The following RNLS variants were observed in gnomAD, a reference collection of about 807,000 sequenced individuals.
RNLS encodes the protein renalase, FAD dependent amine oxidase, also known as renalase.
A neutral mutation model predicts 39.8 loss-of-function variants in RNLS; 39 were observed. The observed-to-expected ratio is 0.98, with a 90% CI of 0.76 to 1.28. The LOEUF is 1.28. RNLS is among the 50% of genes most tolerant of loss of function. The pLI is 0.00. For missense variants in RNLS, 410 were observed against 413.3 expected (o/e 0.99, Z 0.07); for synonymous variants, 147 against 150.7 (o/e 0.98, Z 0.18).
chr10:88,210,319 C>A, the RNLS span, among the ~76,000 whole-genome samples: 7,711 of 152,218 alleles, frequency 0.051, 279 homozygotes, highest in South Asian at 0.13. Flanking sequence ...CAAATTATGA[C>A]CCTCAGGCTC....
chr10:88,217,979 G>A, the RNLS span, among the ~76,000 whole-genome samples: 1 of 152,172 alleles, frequency 6.6e-6, no homozygotes, highest in Non-Finnish European at 1.5e-5. Flanking sequence ...GGCAGAGGTT[G>A]CAGTGAGCCG....
At chr10:88,240,821 C>T in the RNLS span, among the ~76,000 whole-genome samples, 1 of 152,054 alleles carries the variant, frequency 6.6e-6, no homozygotes, top group Non-Finnish European at 1.5e-5. Context: ...TCTCCATTTT[C>T]ATACAAAGCT....
At chr10:88,189,692 G>C in the RNLS span, among the ~76,000 whole-genome samples, 3 of 152,224 alleles carry the variant, frequency 2.0e-5, no homozygotes, top group Non-Finnish European at 4.4e-5. Context: ...CTGAATGACA[G>C]TTTCAGAGTG....
At chr10:88,338,758 C>CTTTTTTTTTTTTTTTTTTTTTTTT in intron 5 of RNLS, among the ~76,000 whole-genome samples, 1 of 112,496 alleles carries the variant, frequency 8.9e-6, no homozygotes, top group Non-Finnish European at 1.8e-5. Flanking sequence ...GCTAGATTTC[C>CTTTTTTTTTTTTTTTTTTTTTTTT]TTTTTTTTTT....
chr10:88,219,487 C>A, the RNLS span, among the ~76,000 whole-genome samples: 1 of 152,218 alleles, frequency 6.6e-6, no homozygotes, highest in Non-Finnish European at 1.5e-5. Flanking sequence ...CCTGTGACTT[C>A]TTGCTTTCAT....
At chr10:88,205,277 TG>T in the RNLS span, among the ~76,000 whole-genome samples, 1 of 151,948 alleles carries the variant, frequency 6.6e-6, no homozygotes, top group Non-Finnish European at 1.5e-5. Flanking sequence ...CTGTGGTGGG[TG>T]ATATGTTTTC....
intron 4 of RNLS, among the ~76,000 whole-genome samples, chr10:88,543,888 T>C (rs1332122521): frequency 6.6e-6 from 1 of 152,164 alleles, no homozygotes; most frequent in African/African-American, 2.4e-5. Flanking sequence ...TGGATAGAAT[T>C]GTGAGATCTT....
chr10:88,393,115 C>T (rs1447173976), intron 4 of RNLS, among the ~76,000 whole-genome samples: 9 of 152,112 alleles, frequency 5.9e-5, no homozygotes, highest in Non-Finnish European at 1.2e-4. Context: ...GGAAGCAGTC[C>T]CTTTGAAAAC....
At chr10:88,381,086 C>CTAAT (rs1554877460) in intron 4 of RNLS, among the ~76,000 whole-genome samples, 1 of 152,152 alleles carries the variant, frequency 6.6e-6, no homozygotes, top group African/African-American at 2.4e-5. Context: ...ATAGTATAGT[C>CTAAT]TAATTTTTCT....
chr10:88,516,337 T>G (rs1228029205), intron 4 of RNLS, among the ~76,000 whole-genome samples: 2 of 152,044 alleles, frequency 1.3e-5, no homozygotes, highest in Non-Finnish European at 2.9e-5. Flanking sequence ...AAATTATAAT[T>G]CTTTATTTTC....
At chr10:88,449,364 G>T (rs1197360727) in intron 4 of RNLS, among the ~76,000 whole-genome samples, 1 of 152,144 alleles carries the variant, frequency 6.6e-6, no homozygotes, top group Non-Finnish European at 1.5e-5. Context: ...CCCTGTGGAT[G>T]GAATAAAACT....
At chr10:88,355,034 G>A (rs982634554) in intron 5 of RNLS, among the ~76,000 whole-genome samples, 6 of 152,096 alleles carry the variant, frequency 3.9e-5, no homozygotes, top group Non-Finnish European at 5.9e-5. Flanking sequence ...CATTCGTCAC[G>A]TAGTTCTTGT....
chr10:88,371,713 C>T (rs1850570495), intron 4 of RNLS, among the ~76,000 whole-genome samples: 2 of 152,124 alleles, frequency 1.3e-5, no homozygotes, highest in Admixed American at 6.6e-5. Context: ...CTTCTGCTCA[C>T]TAGAGATTAT....
chr10:88,298,239 T>C (rs1844234217), intron 6 of RNLS, among the ~76,000 whole-genome samples: 1 of 152,174 alleles, frequency 6.6e-6, no homozygotes, highest in Admixed American at 6.6e-5. Context: ...TAGTAGATTC[T>C]TATCAGATAT....
chr10:88,194,176 TG>T, the RNLS span, among the ~76,000 whole-genome samples: 58 of 152,342 alleles, frequency 3.8e-4, no homozygotes, highest in African/African-American at 1.3e-3. Flanking sequence ...AACCTCAGCC[TG>T]GTTGACACTT....
At chr10:88,547,062 AG>A in intron 4 of RNLS, among the ~76,000 whole-genome samples, 1 of 152,236 alleles carries the variant, frequency 6.6e-6, no homozygotes, top group South Asian at 2.1e-4. Flanking sequence ...TGGGAATGAA[AG>A]GTTGAACAGG....
intron 6 of RNLS, among the ~76,000 whole-genome samples, chr10:88,302,869 G>C (rs1015209542): frequency 1.3e-5 from 2 of 152,138 alleles, no homozygotes; most frequent in Admixed American, 6.5e-5. Context: ...TGCAGGGAGA[G>C]GGGGGAGGCA....
At chr10:88,198,347 C>A in the RNLS span, among the ~76,000 whole-genome samples, 1 of 152,130 alleles carries the variant, frequency 6.6e-6, no homozygotes, top group Non-Finnish European at 1.5e-5. Context: ...TCAGGGTAGA[C>A]CTTTTGGGAG....
At chr10:88,439,304 C>T (rs1776031396) in intron 4 of RNLS, among the ~76,000 whole-genome samples, 1 of 152,128 alleles carries the variant, frequency 6.6e-6, no homozygotes, top group Non-Finnish European at 1.5e-5. Flanking sequence ...TTTAATTTAA[C>T]CTTCTAATTA....
Sources: allele counts gnomAD v4.1 joint callset (sites outside exome capture counted in the v4.1 genomes callset), GRCh38; gene constraint gnomAD v4.1.1; transcripts MANE v1.5; gene names NCBI Gene and HGNC (gene_info 2026-07-23, HGNC 2026-07-21).